Variants in PHEX observed in about 807,000 individuals in gnomAD.
The protein encoded by PHEX is phosphate regulating endopeptidase X-linked.
PHEX carries 16 observed loss-of-function variants against 68.0 expected under a neutral mutation model. The ratio of observed to expected loss-of-function variants is 0.24; its 90% confidence interval spans 0.16 to 0.36. The LOEUF (loss-of-function observed/expected upper bound fraction) is 0.36, where lower values mean the gene tolerates loss of function less well. Ranked by LOEUF, PHEX falls within the 10% of genes least tolerant of loss-of-function variation. The pLI is 1.00. For missense variants in PHEX, 480 were observed against 575.5 expected (o/e 0.83, Z 1.70); for synonymous variants, 208 against 205.1 (o/e 1.01, Z -0.12).
intron 3 of PHEX, among the ~76,000 whole-genome samples, chrX:22,060,154 C>CAAAAAA (rs34000062): frequency 7.1e-5 from 5 of 69,957 alleles, no homozygotes; most frequent in African/African-American, 1.6e-4. Flanking sequence ...AGCCCTGTCT[C>CAAAAAA]AAAAAAAAAA....
chrX:22,153,424 T>G (rs1294442197), intron 12 of PHEX, among the ~76,000 whole-genome samples: 1 of 112,273 alleles, frequency 8.9e-6, no homozygotes, highest in Non-Finnish European at 1.9e-5. Flanking sequence ...ACTTGGATCT[T>G]CACATAGCTG....
intron 3 of PHEX, among the ~76,000 whole-genome samples, chrX:22,054,284 G>A (rs1927973274): frequency 9.0e-6 from 1 of 110,979 alleles, no homozygotes; most frequent in South Asian, 3.8e-4. Context: ...ACAGGCGCCT[G>A]CCACCATGCC....
intron 9 of PHEX, among the ~76,000 whole-genome samples, chrX:22,106,394 C>G (rs1431393999): frequency 9.0e-6 from 1 of 111,705 alleles, no homozygotes; most frequent in African/African-American, 3.3e-5. Flanking sequence ...CCTCGTAATT[C>G]TTTTTGTGCC....
At chrX:22,074,458 C>CT (rs1228707375) in intron 3 of PHEX, among the ~76,000 whole-genome samples, 1 of 110,713 alleles carries the variant, frequency 9.0e-6, no homozygotes, top group Non-Finnish European at 1.9e-5. Context: ...TGCTGATCCT[C>CT]TTTTTCCCTC....
intron 12 of PHEX, among the ~76,000 whole-genome samples, chrX:22,148,688 A>G (rs923570912): frequency 8.1e-5 from 9 of 110,841 alleles, no homozygotes; most frequent in Non-Finnish European, 1.5e-4. Flanking sequence ...CTCTGTTTCT[A>G]TGAGAACAAC....
chrX:22,055,174 CAAAAAAAAAAAAA>C (rs111628195), intron 3 of PHEX, among the ~76,000 whole-genome samples: 14 of 66,075 alleles, frequency 2.1e-4, no homozygotes, highest in African/African-American at 4.9e-4. Flanking sequence ...GACTCCAGCT[CAAAAAAAAAAAAA>C]AAAAAAAAAA....
intron 7 of PHEX, among the ~76,000 whole-genome samples, chrX:22,096,674 C>T (rs1930150097): frequency 8.9e-6 from 1 of 111,961 alleles, no homozygotes; most frequent in Non-Finnish European, 1.9e-5. Context: ...AAAATTGAGC[C>T]AGCAATAGAT....
chrX:22,210,282 G>A (rs1360062811), intron 15 of PHEX, among the ~76,000 whole-genome samples: 1 of 112,113 alleles, frequency 8.9e-6, no homozygotes, highest in East Asian at 2.8e-4. Context: ...GCTGAACAGA[G>A]TGATGTGTGG....
At chrX:22,219,293 C>G (rs1298165490) in intron 17 of PHEX, among the ~76,000 whole-genome samples, 190 bp downstream of exon 17, 1 of 112,575 alleles carries the variant, frequency 8.9e-6, no homozygotes, top group African/African-American at 3.2e-5. Flanking sequence ...AACAATTGTT[C>G]CCATTGGTGA....
At chrX:22,087,467 G>A (rs182232017) in intron 5 of PHEX, among the ~76,000 whole-genome samples, 1 of 111,451 alleles carries the variant, frequency 9.0e-6, no homozygotes, top group African/African-American at 3.3e-5. Flanking sequence ...TTTTGAAAGT[G>A]CCTTTTTTCC....
At chrX:22,241,256 C>T (rs1251233997) in intron 20 of PHEX, among the ~76,000 whole-genome samples, 1 of 112,198 alleles carries the variant, frequency 8.9e-6, no homozygotes, top group Non-Finnish European at 1.9e-5. Context: ...GTACCTGAAT[C>T]TCTGGGACAC....
chrX:22,225,528 C>T (rs964850808), intron 18 of PHEX, among the ~76,000 whole-genome samples: 1 of 111,453 alleles, frequency 9.0e-6, no homozygotes, highest in Non-Finnish European at 1.9e-5. Flanking sequence ...CTTTGTGGGG[C>T]GTATGGTCTC....
intron 12 of PHEX, among the ~76,000 whole-genome samples, chrX:22,136,791 ATAAAT>A (rs1932249940): frequency 8.9e-6 from 1 of 111,877 alleles, no homozygotes; most frequent in South Asian, 3.8e-4. Context: ...ACTGTAAAAG[ATAAAT>A]GAGGATGCCT....
At chrX:22,115,255 C>T (rs771773055) in intron 11 of PHEX, among the ~76,000 whole-genome samples, 1 of 111,944 alleles carries the variant, frequency 8.9e-6, no homozygotes, top group South Asian at 3.7e-4. Flanking sequence ...TGCTTGAACC[C>T]CGGAGGCGGA....
chrX:22,066,610 T>G (rs1238383254), intron 3 of PHEX, among the ~76,000 whole-genome samples: 1 of 111,698 alleles, frequency 9.0e-6, no homozygotes, highest in Non-Finnish European at 1.9e-5. Context: ...GCTTCCCCCC[T>G]TTTGGGGGAG....
At chrX:22,071,999 G>A (rs1454192039) in intron 3 of PHEX, among the ~76,000 whole-genome samples, 1 of 112,220 alleles carries the variant, frequency 8.9e-6, no homozygotes, top group Non-Finnish European at 1.9e-5. Context: ...GGCTGAGGCG[G>A]GTGGATCACC....
intron 18 of PHEX, among the ~76,000 whole-genome samples, chrX:22,224,794 T>C (rs1176580731): frequency 9.2e-6 from 1 of 108,729 alleles, no homozygotes; most frequent in Non-Finnish European, 1.9e-5. Context: ...TTTGTTTTTA[T>C]TCATTGATAT....
Position 22,077,636 on chromosome X carries a change from C to G in PHEX, c.597C>G (p.Ser199Arg). ...QTLATFRGQY[S>R]NSVFIRLYVS... ...TTGCAACGTTTCGTGGTCAATACAG[C>G]AATTCTGTGTTCATCCGTTTGTATG... The change falls in exon 5 of 22, where the codon AGC becomes AGG. Residue 199 changes from serine (S) to arginine (R), a missense_variant. Coordinates refer to ENST00000379374, the MANE Select transcript of PHEX (RefSeq NM_000444.6). 5 of 1,210,596 alleles carry G rather than the reference C, an allele frequency of 4.1e-6. No individual in the cohort carries two copies. The highest frequency in any genetic ancestry group is 5.6e-6 in the Non-Finnish European group (5 of 894,689).
chrX:22,152,967 G>A (rs779780526), intron 12 of PHEX, among the ~76,000 whole-genome samples: 1 of 110,501 alleles, frequency 9.0e-6, no homozygotes, highest in African/African-American at 3.3e-5. Flanking sequence ...ATATTTAATG[G>A]ATGTCATGAT....
Sources: gnomAD v4.1 joint callset for allele counts (sites outside exome capture counted in the v4.1 genomes callset) on GRCh38, gnomAD v4.1.1 for gene constraint, MANE v1.5 for transcripts, NCBI Gene and HGNC (gene_info 2026-07-23, HGNC 2026-07-21) for gene names.